Variants in TCF4 observed in about 807,000 individuals in gnomAD.
TCF4 encodes the protein SL3-3 enhancer factor 2.
TCF4 carries 3 observed loss-of-function variants against 82.1 expected under a neutral mutation model. The observed-to-expected ratio is 0.04, with a 90% CI of 0.02 to 0.09. TCF4 has a LOEUF of 0.09. Among genes scored for constraint, TCF4 ranks in the 10% least tolerant of loss-of-function variants. The pLI is 1.00. For missense variants in TCF4, 518 were observed against 852.7 expected (o/e 0.61, Z 4.89); for synonymous variants, 276 against 309.6 (o/e 0.89, Z 1.14).
At chr18:55,454,600 G>A (rs72928936) in intron 5 of TCF4, among the ~76,000 whole-genome samples, 4,862 of 152,096 alleles carry the variant, frequency 0.032, 102 homozygotes, top group Non-Finnish European at 0.049. Flanking sequence ...AGATATAAAA[G>A]GAATATCTAT....
chr18:55,314,804 G>T (rs1212892844), intron 8 of TCF4, among the ~76,000 whole-genome samples: 1 of 151,846 alleles, frequency 6.6e-6, no homozygotes, highest in Non-Finnish European at 1.5e-5. Context: ...TAGGACTGTG[G>T]TTGGTAAATG....
chr18:55,362,365 G>A (rs1350562370), intron 6 of TCF4, among the ~76,000 whole-genome samples: 41 of 88,774 alleles, frequency 4.6e-4, no homozygotes, highest in Non-Finnish European at 8.0e-4. Flanking sequence ...AAGGAAGGAA[G>A]GAAGGAAGGA....
intron 8 of TCF4, among the ~76,000 whole-genome samples, chr18:55,288,684 A>C (rs1002301371): frequency 3.9e-5 from 6 of 152,200 alleles, no homozygotes; most frequent in Admixed American, 6.5e-5. Context: ...AGGGCAGCAC[A>C]AAGGAGGTTC....
chr18:55,372,838 T>A (rs1366281107), intron 6 of TCF4, among the ~76,000 whole-genome samples: 4 of 152,136 alleles, frequency 2.6e-5, no homozygotes, highest in Non-Finnish European at 5.9e-5. Flanking sequence ...GTGCTAACAC[T>A]CTCCGTCATC....
intron 5 of TCF4, among the ~76,000 whole-genome samples, chr18:55,425,840 G>A (rs2094956658): frequency 6.6e-6 from 1 of 152,136 alleles, no homozygotes; most frequent in African/African-American, 2.4e-5. Context: ...TCTTAAACCT[G>A]AGGGATAATG....
At chr18:55,396,212 T>C (rs564914914) in intron 6 of TCF4, among the ~76,000 whole-genome samples, 1 of 152,300 alleles carries the variant, frequency 6.6e-6, no homozygotes, top group South Asian at 2.1e-4. Context: ...AAACAAAACA[T>C]CTTAGAGTTC....
intron 8 of TCF4, among the ~76,000 whole-genome samples, chr18:55,340,424 A>AG (rs1352576786): frequency 6.6e-6 from 1 of 151,964 alleles, no homozygotes; most frequent in Non-Finnish European, 1.5e-5. Flanking sequence ...ACCAAAAAAA[A>AG]AGAAAAAAAT....
chr18:55,340,833 TA>T (rs1437730965), intron 8 of TCF4, among the ~76,000 whole-genome samples: 3 of 152,192 alleles, frequency 2.0e-5, no homozygotes, highest in African/African-American at 7.2e-5. Flanking sequence ...CATTCAAGGA[TA>T]TTACATAAAT....
rs75627445 is a variant in TCF4 at position 55,571,740 on chromosome 18, G to GTT, written c.145+13538_145+13539dup. Among the ~76,000 whole-genome samples, 886 of 144,624 alleles carry GTT rather than the reference G, an allele frequency of 6.1e-3. 4 individuals are homozygous for GTT. The highest frequency in any genetic ancestry group is 0.022 in the Middle Eastern group (6 of 274). The allele number at this position is 144,624 out of a possible 152,430, so 94.9% of individuals were successfully genotyped here. ...GGAATGTGAATGAGAGGTAGAGGGT[G>GTT]TTTTTTTTTTTGTTATTATATGTTT... On this transcript the variant is annotated intron_variant, in intron 3 of 19. Coordinates refer to ENST00000354452, the MANE Select transcript of TCF4 (RefSeq NM_001083962.2).
chr18:55,623,345 T>C (rs1171122630), intron 2 of TCF4, among the ~76,000 whole-genome samples: 1 of 152,204 alleles, frequency 6.6e-6, no homozygotes, highest in Non-Finnish European at 1.5e-5. Flanking sequence ...ACAACAAAAA[T>C]AGTTCTTAAA....
intron 2 of TCF4, among the ~76,000 whole-genome samples, chr18:55,604,090 C>T (rs928110407): frequency 1.3e-5 from 2 of 152,134 alleles, no homozygotes; most frequent in African/African-American, 4.8e-5. Context: ...AAGCGTTGGA[C>T]ACATTTTTAT....
chr18:55,279,697 A>G (rs999482334), intron 8 of TCF4, 41 bp from the exon 9 acceptor site: 54 of 1,612,930 alleles, frequency 3.3e-5, no homozygotes, highest in Non-Finnish European at 4.6e-5. Flanking sequence ...TTTTGCATTG[A>G]CCACAGCAGC....
intron 17 of TCF4, chr18:55,229,455 C>T (rs1019497084): frequency 4.1e-6 from 1 of 243,362 alleles, no homozygotes; most frequent in South Asian, 6.0e-5. Flanking sequence ...GTTGCATAAC[C>T]ACGCTTCAAA....
intron 8 of TCF4, among the ~76,000 whole-genome samples, chr18:55,315,234 A>T (rs1053893079): frequency 6.6e-6 from 1 of 152,214 alleles, no homozygotes; most frequent in East Asian, 1.9e-4. Flanking sequence ...CCCCTTTTTT[A>T]GGTGGGGAGA....
intron 5 of TCF4, among the ~76,000 whole-genome samples, chr18:55,435,945 C>G (rs1346730798): frequency 6.6e-6 from 1 of 152,164 alleles, no homozygotes; most frequent in Admixed American, 6.5e-5. Context: ...TCTCCAACAC[C>G]AAGCTGTGCA....
At chr18:55,403,624 A>G in intron 5 of TCF4, 106 bp from the exon 6 acceptor site, 2 of 1,609,418 alleles carry the variant, frequency 1.2e-6, no homozygotes, top group Non-Finnish European at 1.7e-6. Flanking sequence ...TACATACGTA[A>G]AGTAGGCACT....
chr18:55,592,231 A>C (rs1332639016), upstream of TCF4, among the ~76,000 whole-genome samples: 1 of 152,162 alleles, frequency 6.6e-6, no homozygotes, highest in African/African-American at 2.4e-5. Context: ...CTCATATAGA[A>C]GTATGTCTTA....
rs998807016 is a variant in TCF4 at position 55,321,490 on chromosome 18, G to T, written c.549+28869C>A. On this transcript the variant is annotated intron_variant, in intron 8 of 19. Coordinates refer to ENST00000354452, the MANE Select transcript of TCF4 (RefSeq NM_001083962.2). ...GGGAGGAGTGGGGGGAAAAAAAGACGAAGGAGAAGAAGTAGGCAAGAAGAA... is the reference window on the plus strand; with the variant it reads ...GGGAGGAGTGGGGGGAAAAAAAGACTAAGGAGAAGAAGTAGGCAAGAAGAA... 4 of 910,018 alleles carry T rather than the reference G, an allele frequency of 4.4e-6. No homozygotes were observed. In the East Asian group the frequency reaches 1.1e-4, roughly 24 times the overall value. The allele number at this position is 910,018 out of a possible 1,614,324, so 56.4% of individuals were successfully genotyped here.
At chr18:55,243,297 G>C (rs2051943220) in intron 15 of TCF4, among the ~76,000 whole-genome samples, 1 of 152,214 alleles carries the variant, frequency 6.6e-6, no homozygotes, top group Admixed American at 6.5e-5. Context: ...ACAAAAAGCA[G>C]ATTTTTGTAA....
Sources: gnomAD v4.1 joint callset for allele counts (sites outside exome capture counted in the v4.1 genomes callset) on GRCh38, gnomAD v4.1.1 for gene constraint, MANE v1.5 for transcripts, NCBI Gene and HGNC (gene_info 2026-07-23, HGNC 2026-07-21) for gene names.